EPPK1: variants seen among roughly 807,000 people sequenced by gnomAD.
The protein encoded by EPPK1 is epiplakin.
For synonymous variants in EPPK1, 1,862 were observed against 1,721.2 expected (o/e 1.08, Z -2.03); for missense variants, 3,823 against 3,673.3 (o/e 1.04, Z -1.05).
At chr8:143,873,471 G>A (rs1819422541) in intron 1 of EPPK1, among the ~76,000 whole-genome samples, 173 bp from the exon 2 acceptor site, 1 of 151,984 alleles carries the variant, frequency 6.6e-6, no homozygotes, top group Non-Finnish European at 1.5e-5. Context: ...CCGCGGGGGT[G>A]CCAAGGGAAG....
chr8:143,878,356 A>ACCCGCACCCGCACCCGCCGCACCTG (rs1819522613), intron 1 of EPPK1, 82 bp downstream of exon 1: 3 of 45,244 alleles, frequency 6.6e-5, no homozygotes, highest in African/African-American at 3.0e-4. Context: ...CCGAGCCCGC[A>ACCCGCACCCGCACCCGCCGCACCTG]CCCGCACCCG....
Position 143,871,365 on chromosome 8 carries a change from CG to C in EPPK1, c.1888del (p.Arg630AspfsTer39). The C allele has an allele frequency of 6.2e-7, 1 of 1,608,572 alleles. No homozygotes were observed. Among genetic ancestry groups the C allele is most frequent in the Non-Finnish European group, 8.5e-7 (1 of 1,178,310 alleles). On this transcript the variant is annotated frameshift_variant, in exon 2 of 2. Transcript: ENST00000615648. LOFTEE classifies it low-confidence loss of function (END_TRUNC). The stretch of plus-strand genomic sequence containing the variant: ...GCCGGGCCGGAGGAGCCCCTTGCAT[CG>C]GGCCTCATAGATGCTCAGGCGTTCC... ...SQERLSIYEA[R>X]CKGLLRPGTA...
intron 1 of EPPK1, among the ~76,000 whole-genome samples, chr8:143,874,412 G>A (rs901384764): frequency 3.3e-5 from 5 of 152,244 alleles, no homozygotes; most frequent in East Asian, 1.9e-4. Flanking sequence ...AGGTCATACC[G>A]GGCTAGGATT....
At position 143,870,716 on chromosome 8, in the gene EPPK1, G is replaced by T; in HGVS notation, c.2538C>A (p.Arg846=). 1 of 1,611,432 alleles carries T rather than the reference G, an allele frequency of 6.2e-7. No homozygotes were observed. Among genetic ancestry groups the T allele is most frequent in the South Asian group, 1.1e-5 (1 of 90,948 alleles). The change falls in exon 2 of 2, where the codon CGC becomes CGA. Residue 846 remains arginine (R), a synonymous_variant. Transcript: ENST00000615648. The surrounding 1 kb of genome is among the most constrained non-coding windows in gnomAD (Gnocchi z 5.2). The part of the protein sequence containing the change: ...LINSEYFSEG[R]RRQLLRRYRQ... ...GGTAGCGACGCAGCAGCTGCCTCCT[G>T]CGGCCCTCGCTGAAGTACTCAGAGT...
chr8:143,879,019 C>T (rs1376097569), upstream of EPPK1, among the ~76,000 whole-genome samples: 3 of 152,174 alleles, frequency 2.0e-5, no homozygotes, highest in Non-Finnish European at 2.9e-5. Context: ...TCCACCTGGG[C>T]ACAGAGAATG....
rs1554660719 is a variant in EPPK1 at position 143,870,316 on chromosome 8, C to T, written c.2938G>A (p.Glu980Lys). The change falls in exon 2 of 2, where the codon GAG becomes AAG. Residue 980 changes from glutamate to lysine, a missense_variant. Transcript: ENST00000615648. The surrounding 1 kb of genome is among the most constrained non-coding windows in gnomAD (Gnocchi z 5.2). ...TGTIMDPHSP[E>K]SLSVDEAVRR... ...ACGGCCTCATCCACCGAGAGGCTCT[C>T]TGGGCTGTGAGGGTCCATGATGGTT... The T allele has an allele frequency of 6.4e-7, 1 of 1,572,478 alleles. No homozygotes were observed. Among genetic ancestry groups the T allele is most frequent in the South Asian group, 1.1e-5 (1 of 87,388 alleles).
chr8:143,868,550 C>T lies in EPPK1; in HGVS notation c.4704G>A (p.Glu1568=), dbSNP rs201781964. 3 of 1,604,912 alleles carry T rather than the reference C, an allele frequency of 1.9e-6. No homozygotes were observed. Among genetic ancestry groups the T allele is most frequent in the Non-Finnish European group, 2.6e-6 (3 of 1,176,356 alleles). The change falls in exon 2 of 2, where the codon GAG becomes GAA. Residue 1568 remains glutamate, a synonymous_variant. Transcript: ENST00000615648. The part of the protein sequence containing the change: ...AEMDSVKRSL[E]GGNFIAGVLI... ...GGACCCCGGCAATGAAGTTGCCTCCCTCCAGGGACCGCTTCACGCTGTCCA... is the reference window on the plus strand; with the variant it reads ...GGACCCCGGCAATGAAGTTGCCTCCTTCCAGGGACCGCTTCACGCTGTCCA...
chr8:143,877,503 C>T (rs531523687), intron 1 of EPPK1, among the ~76,000 whole-genome samples: 4 of 152,290 alleles, frequency 2.6e-5, no homozygotes, highest in Admixed American at 2.0e-4. Context: ...AGGTGGCCCC[C>T]AGGCCCCAAG....
intron 1 of EPPK1, among the ~76,000 whole-genome samples, chr8:143,874,469 G>A (rs1357929839): frequency 1.3e-5 from 2 of 152,230 alleles, no homozygotes; most frequent in Non-Finnish European, 2.9e-5. Flanking sequence ...GACACACAGG[G>A]AGAGGGCGGC....
Position 143,868,218 on chromosome 8 carries a change from C to T in EPPK1, c.5036G>A (p.Arg1679His), listed in dbSNP as rs201157982. ...CGTGGCGATCTGGGCCTCCAGCAGG[C>T]GGATGCCGTGCTCCCGGACGATGAG... ...KDLIVREHGI[R>H]LLEAQIATGG... The change falls in exon 2 of 2, where the codon CGC (arginine) becomes CAC (histidine). Residue 1679 changes from arginine to histidine, a missense_variant. By Grantham distance (29) the Arg-to-His change is conservative. Transcript: ENST00000615648. The T allele has an allele frequency of 5.6e-5, 91 of 1,612,940 alleles. No homozygotes were observed. Among genetic ancestry groups the T allele is most frequent in the Middle Eastern group, 1.6e-4 (1 of 6,084 alleles).
Position 143,867,055 on chromosome 8 carries a change from C to T in EPPK1, c.6199G>A (p.Glu2067Lys). The T allele has an allele frequency of 6.2e-7, 1 of 1,612,926 alleles. No individual in the cohort carries two copies. Among genetic ancestry groups the T allele is most frequent in the Non-Finnish European group, 8.5e-7 (1 of 1,179,874 alleles). ...TGTGGGCGGCACCTCTCCTGCAGCT[C>T]TCGGTACGAGACCTTCTCTTGCGTG... is the stretch of plus-strand genomic sequence containing the variant. Reference protein sequence around the residue: ...PNTQEKVSYRELQERCRPQED... With the variant: ...PNTQEKVSYRKLQERCRPQED... The change falls in exon 2 of 2, where the codon GAG becomes AAG. Residue 2067 changes from glutamate (E) to lysine (K), a missense_variant. By Grantham distance (56) the Glu-to-Lys change is moderately conservative (BLOSUM62 1). Transcript: ENST00000615648.
In EPPK1 at chr8:143,868,861, A is replaced by G; in HGVS notation, c.4393T>C (p.Cys1465Arg). ...VPVSTGRFKG[C>R]SVSLWDLLLS... ...AGCAGGTCCCAGAGTGACACGCTAC[A>G]CCCCTTAAACCTCCCTGTGCTGACG... The change falls in exon 2 of 2, where the codon TGT becomes CGT. Residue 1465 changes from cysteine to arginine, a missense_variant. Coordinates refer to ENST00000615648, the MANE Select transcript of EPPK1 (RefSeq NM_031308.4). 1.2e-6 allele frequency: 2 copies of G among 1,609,430 alleles called. No individual in the cohort carries two copies. Among genetic ancestry groups the G allele is most frequent in the Non-Finnish European group, 1.7e-6 (2 of 1,179,736 alleles).
In EPPK1 at chr8:143,866,725, T is replaced by G. The variant is rs558239266; in HGVS notation, c.6529A>C (p.Ile2177Leu). The stretch of plus-strand genomic sequence containing the variant: ...TCAGAAGCTGTGATCTGTCGTCTAA[T>G]TCCTTGGAACCACAGGTGTTTGTTG... ...TSNKHLWFQGIRRQITASELL... is the reference protein window; with the variant it reads ...TSNKHLWFQGLRRQITASELL... The change falls in exon 2 of 2, where the codon ATT (isoleucine) becomes CTT (leucine). Residue 2177 changes from isoleucine to leucine, a missense_variant. Physicochemically the swap from Ile to Leu is conservative, Grantham distance 5. Coordinates refer to ENST00000615648, the MANE Select transcript of EPPK1 (RefSeq NM_031308.4). The G allele has an allele frequency of 3.1e-6, 5 of 1,613,460 alleles. No homozygotes were observed. In the African/African-American group the frequency reaches 4.0e-5, roughly 13 times the overall value.
rs781814353 is a variant in EPPK1 at position 143,870,166 on chromosome 8, G to T, written c.3088C>A (p.Leu1030Ile). The T allele has an allele frequency of 1.1e-5, 17 of 1,611,900 alleles. No homozygotes were observed. Among genetic ancestry groups the T allele is most frequent in the Non-Finnish European group, 1.4e-5 (17 of 1,179,470 alleles). The change falls in exon 2 of 2, where the codon CTC (leucine) becomes ATC (isoleucine). Residue 1030 changes from leucine (L) to isoleucine (I), a missense_variant. Leu to Ile is a conservative substitution (Grantham distance 5). Transcript: ENST00000615648. This position sits in a 1 kb window ranked among gnomAD's most constrained non-coding sequence, Gnocchi z 5.2. ...CGGGCAGCTTGCTCCCAAGGGATGA[G>T]ACCTTTCTTCATGGCCTGGAACACA... ...VSVFQAMKKG[L>I]IPWEQAARLL...
rs1554661655 is a variant in EPPK1 at position 143,872,637 on chromosome 8, A to G, written c.617T>C (p.Leu206Pro). ...CAGCTGGTGGTATGTCAGCCGCTCCAGCGTGTTGGGGTCGAGGAAGCGCAG... is the reference window on the plus strand; with the variant it reads ...CAGCTGGTGGTATGTCAGCCGCTCCGGCGTGTTGGGGTCGAGGAAGCGCAG... ...GDLRFLDPNT[L>P]ERLTYHQLLE... The change falls in exon 2 of 2, where the codon CTG becomes CCG. Residue 206 changes from leucine (L) to proline (P), a missense_variant. Coordinates refer to ENST00000615648, the MANE Select transcript of EPPK1 (RefSeq NM_031308.4). 4 of 1,610,086 alleles carry G rather than the reference A, an allele frequency of 2.5e-6. No individual in the cohort carries two copies. The East Asian group carries it at 6.7e-5, about 27-fold the overall frequency.
Position 143,857,364 on chromosome 8 carries a change from A to G in EPPK1, c.*623T>C, listed in dbSNP as rs1586677389. 1 of 152,256 alleles carries G rather than the reference A, an allele frequency of 6.6e-6. No individual in the cohort carries two copies. The highest frequency in any genetic ancestry group is 1.5e-5 in the Non-Finnish European group (1 of 68,064). The allele number at this position is 152,256 out of a possible 1,614,324, so 9.4% of individuals were successfully genotyped here. On this transcript the variant is annotated 3_prime_UTR_variant, in exon 2 of 2. Transcript: ENST00000615648. ...ACTTGTTCAGAATTTTTCCTAGTAAATTACTACAAAAAGTTCTTCTCCACA... is the reference window on the plus strand; with the variant it reads ...ACTTGTTCAGAATTTTTCCTAGTAAGTTACTACAAAAAGTTCTTCTCCACA...
In EPPK1 at chr8:143,867,776, T is replaced by C. The variant is rs1328923478; in HGVS notation, c.5478A>G (p.Lys1826=). The C allele has an allele frequency of 1.2e-6, 2 of 1,613,582 alleles. No individual in the cohort carries two copies. The highest frequency in any genetic ancestry group is 2.7e-5 in the African/African-American group (2 of 74,902). Residue 1826 remains lysine (K), a synonymous_variant, in exon 2 of 2, where the codon AAA becomes AAG. Transcript: ENST00000615648. ...EYGAQSGGLE[K]LLEIITTTIE... ...TTGTCGTGGTGATGATTTCCAGCAA[T>C]TTCTCCAGGCCCCCACTCTGGGCTC... is the stretch of plus-strand genomic sequence containing the variant.
Position 143,870,628 on chromosome 8 carries a change from C to T in EPPK1, c.2626G>A (p.Ala876Thr). Reference sequence around the variant, plus strand: ...CGCAGTGCGGGCAGCATGATGTCCGCCTGTCTCTGCGTCTCCGCCTCCAGC... The same window carrying T: ...CGCAGTGCGGGCAGCATGATGTCCGTCTGTCTCTGCGTCTCCGCCTCCAGC... ...KLLEAETQRQADIMLPALRSR... is the reference protein window; with the variant it reads ...KLLEAETQRQTDIMLPALRSR... Residue 876 changes from alanine to threonine, a missense_variant, in exon 2 of 2, where the codon GCG (alanine) becomes ACG (threonine). Transcript: ENST00000615648. This position sits in a 1 kb window ranked among gnomAD's most constrained non-coding sequence, Gnocchi z 5.2. The T allele has an allele frequency of 3.1e-6, 5 of 1,606,486 alleles. No individual in the cohort carries two copies. Among genetic ancestry groups the T allele is most frequent in the Non-Finnish European group, 4.2e-6 (5 of 1,177,434 alleles).
chr8:143,871,282 C>G lies in EPPK1; in HGVS notation c.1972G>C (p.Ala658Pro), dbSNP rs782616656. 24 of 1,612,740 alleles carry G rather than the reference C, an allele frequency of 1.5e-5. No homozygotes were observed. In the African/African-American group the frequency reaches 3.1e-4, roughly 21 times the overall value. The change falls in exon 2 of 2, where the codon GCA becomes CCA. Residue 658 changes from alanine to proline, a missense_variant. By Grantham distance (27) the Ala-to-Pro change is conservative (BLOSUM62 -1). Transcript: ENST00000615648. ...TCCTCAACGGAGTGCCCCTTGTTTG[C>G]TTTTGGGTCGATGATGAAGCCTGTG... ...AATGFIIDPK[A>P]NKGHSVEEAL...
Sources: allele counts gnomAD v4.1 joint callset (sites outside exome capture counted in the v4.1 genomes callset), GRCh38; gene constraint gnomAD v4.1.1; non-coding constraint Gnocchi (gnomAD v3.1); transcripts MANE v1.5; gene names NCBI Gene and HGNC (gene_info 2026-07-23, HGNC 2026-07-21).